Variants in MFAP5 observed in about 807,000 individuals in gnomAD.
MFAP5 encodes the protein microfibrillar-associated protein 5.
MFAP5 carries 19 observed loss-of-function variants against 30.1 expected under a neutral mutation model. The ratio of observed to expected loss-of-function variants is 0.63; its 90% CI spans 0.44 to 0.93. MFAP5 has a LOEUF of 0.93. MFAP5 is among the 40% of genes least tolerant of loss of function. The probability of loss-of-function intolerance (pLI) is 0.00; values close to 1 mark genes in which losing one functional copy is unlikely to be tolerated. For missense variants in MFAP5, 210 were observed against 221.3 expected (o/e 0.95, Z 0.32); for synonymous variants, 92 against 72.9 (o/e 1.26, Z -1.33).
At chr12:8,653,544 C>T (rs1029073980) in intron 6 of MFAP5, among the ~76,000 whole-genome samples, 2 of 152,128 alleles carry the variant, frequency 1.3e-5, no homozygotes, top group African/African-American at 4.8e-5. Context: ...TACCTAAAAG[C>T]TCTTCCCTCT....
chr12:8,647,884 A>G lies in MFAP5; in HGVS notation c.*207T>C. On this transcript the variant is annotated 3_prime_UTR_variant, in exon 10 of 10. Coordinates refer to ENST00000359478, the MANE Select transcript of MFAP5 (RefSeq NM_003480.4). ...TGAGAAGCAGCAAAATTATGCAATA[A>G]TATAGACTTTGTATTTTAAGTGCTA... 2 of 431,686 alleles carry G rather than the reference A, an allele frequency of 4.6e-6. No individual in the cohort carries two copies. The highest frequency in any genetic ancestry group is 4.2e-6 in the Non-Finnish European group (1 of 236,156). 26.7% of individuals were successfully genotyped at this position (431,686 alleles called of 1,614,324 possible).
At chr12:8,653,863 G>A (rs911875493) in intron 6 of MFAP5, among the ~76,000 whole-genome samples, 60 of 152,056 alleles carry the variant, frequency 3.9e-4, no homozygotes, top group African/African-American at 1.3e-3. Context: ...TAATCTAGCC[G>A]CCTATAATCC....
chr12:8,649,556 G>T lies in MFAP5; in HGVS notation c.354C>A (p.Ile118=), dbSNP rs781404692. The change falls in exon 9 of 10, where the codon ATC becomes ATA. Residue 118 remains isoleucine (I), a synonymous_variant. Coordinates refer to ENST00000359478, the MANE Select transcript of MFAP5 (RefSeq NM_003480.4). ...LCFTSLRRMY[I]VNKEICSRLV... ...GACGAGAGCAGATCTCCTTGTTGAC[G>T]ATGTACATACGTCGTAAACTGCAGA... 1.4e-5 allele frequency: 23 copies of T among 1,613,852 alleles called. No homozygotes were observed. The highest frequency in any genetic ancestry group is 1.7e-5 in the Non-Finnish European group (20 of 1,179,996).
In MFAP5 at chr12:8,648,105, GTC is replaced by G; in HGVS notation, c.506_507del (p.Arg169ThrfsTer30). 6.2e-7 allele frequency: 1 copy of G among 1,612,964 alleles called. No individual in the cohort carries two copies. The highest frequency in any genetic ancestry group is 8.5e-7 in the Non-Finnish European group (1 of 1,179,038). On this transcript the variant is annotated frameshift_variant, in exon 10 of 10. Transcript: ENST00000359478. LOFTEE classifies it high-confidence loss of function. Reference protein sequence around the residue: ...LPPCENVDLQRPNGL With the variant: ...LPPCENVDLQXPNGL Reference sequence around the variant, plus strand: ...TTTTTCAATGATCACAGACCATTGGGTCTCTGCAAATCCACATTTTCACAGGG... The same window carrying G: ...TTTTTCAATGATCACAGACCATTGGGTCTGCAAATCCACATTTTCACAGGG...
rs1318757302 is a variant in MFAP5 at position 8,661,011 on chromosome 12, A to G, written c.59-113T>C. The G allele has an allele frequency of 1.4e-5, 12 of 867,120 alleles. No individual in the cohort carries two copies. In the Admixed American group the frequency reaches 2.5e-4, roughly 18 times the overall value. 53.7% of individuals were successfully genotyped at this position (867,120 alleles called of 1,614,324 possible). ...GAAATGGTTATACTTTATCTTTGTGACTTATTCCTATATAGCTCAATATAA... is the reference window on the plus strand; with the variant it reads ...GAAATGGTTATACTTTATCTTTGTGGCTTATTCCTATATAGCTCAATATAA... On this transcript the variant is annotated intron_variant, in intron 2 of 9. Transcript: ENST00000359478.
At chr12:8,656,250 CG>C (rs1447498902) in intron 3 of MFAP5, among the ~76,000 whole-genome samples, 6 of 151,050 alleles carry the variant, frequency 4.0e-5, no homozygotes, top group Non-Finnish European at 8.9e-5. Flanking sequence ...TTAGTAGAGA[CG>C]GGGTTTCACC....
chr12:8,658,730 A>C (rs924745411), intron 3 of MFAP5, among the ~76,000 whole-genome samples: 1 of 151,970 alleles, frequency 6.6e-6, no homozygotes, highest in African/African-American at 2.4e-5. Context: ...GCTTTTCTGC[A>C]TATACCTCAG....
In MFAP5 at chr12:8,650,504, G is replaced by C; in HGVS notation, c.333C>G (p.Thr111=). 1.9e-6 allele frequency: 3 copies of C among 1,613,732 alleles called. No individual in the cohort carries two copies. Among genetic ancestry groups the C allele is most frequent in the Non-Finnish European group, 1.7e-6 (2 of 1,179,680 alleles). ...TTGGGCATTCTGGGATCCCTTACCTGGTGAAGCATAACTGATGAATGCATT... is the reference window on the plus strand; with the variant it reads ...TTGGGCATTCTGGGATCCCTTACCTCGTGAAGCATAACTGATGAATGCATT... ...VKQCIHQLCF[T]SLRRMYIVNK... is the part of the protein sequence containing the mutation. Residue 111 remains threonine, a splice_region_variant and synonymous_variant, in exon 8 of 10, where the codon ACC becomes ACG. Transcript: ENST00000359478.
intron 3 of MFAP5, among the ~76,000 whole-genome samples, chr12:8,660,573 T>G (rs1942119604): frequency 6.6e-6 from 1 of 152,054 alleles, no homozygotes; most frequent in African/African-American, 2.4e-5. Context: ...AGGAGATGTG[T>G]AAAGAAAAAT....
At chr12:8,655,351 G>A (rs193210483) in intron 5 of MFAP5, 64 bp downstream of exon 5, 51 of 1,331,016 alleles carry the variant, frequency 3.8e-5, no homozygotes, top group Admixed American at 1.1e-4. Flanking sequence ...TCAAGAGCTG[G>A]AATAAATATT....
intron 3 of MFAP5, among the ~76,000 whole-genome samples, chr12:8,657,189 T>G (rs1018511346): frequency 1.9e-4 from 29 of 152,184 alleles, no homozygotes; most frequent in Non-Finnish European, 3.4e-4. Context: ...ATGTTAATGC[T>G]GTTTTGTTAT....
intron 6 of MFAP5, among the ~76,000 whole-genome samples, chr12:8,652,810 A>G (rs759381136): frequency 6.6e-6 from 1 of 152,294 alleles, no homozygotes; most frequent in East Asian, 1.9e-4. Flanking sequence ...TGTATATCCA[A>G]CAGACTTAAT....
intron 2 of MFAP5, 42 bp downstream of exon 2, chr12:8,662,005 T>C (rs758826282): frequency 1.3e-6 from 2 of 1,577,530 alleles, no homozygotes; most frequent in Non-Finnish European, 1.7e-6. Context: ...CGTGTATAGC[T>C]GAGGAGCTGA....
At chr12:8,659,949 C>G (rs1436982900) in intron 3 of MFAP5, among the ~76,000 whole-genome samples, 2 of 152,126 alleles carry the variant, frequency 1.3e-5, no homozygotes, top group African/African-American at 2.4e-5. Flanking sequence ...TCTAACTCTC[C>G]TGGGATGGGA....
At chr12:8,662,330 T>G (rs970859410) in intron 1 of MFAP5, 1 of 538,032 alleles carries the variant, frequency 1.9e-6, no homozygotes, top group African/African-American at 1.9e-5. Flanking sequence ...CTTGCTTTTA[T>G]TATTCTCTGC....
intron 3 of MFAP5, among the ~76,000 whole-genome samples, chr12:8,656,328 G>A (rs1012095741): frequency 1.3e-5 from 2 of 151,698 alleles, no homozygotes; most frequent in Admixed American, 6.6e-5. Context: ...GATTACAGGC[G>A]TGAGCCACCG....
chr12:8,648,326 GT>G, intron 9 of MFAP5, 123 bp from the exon 10 acceptor site: 1 of 948,720 alleles, frequency 1.1e-6, no homozygotes, highest in African/African-American at 1.7e-5. Flanking sequence ...AAAGATCCGG[GT>G]TTTAACCAGC....
intron 3 of MFAP5, among the ~76,000 whole-genome samples, chr12:8,659,018 A>G (rs1166344259): frequency 4.2e-5 from 6 of 143,654 alleles, no homozygotes; most frequent in African/African-American, 1.6e-4. Flanking sequence ...TTTAAGAGAT[A>G]GGGTCTCAGG....
Position 8,649,412 on chromosome 12 carries a change from G to A in MFAP5, c.409+89C>T, listed in dbSNP as rs2289382. ...GGGGGTAGCCTGAAGCCCTCCTCTA[G>A]TACCAGACTTTGGATATAGTAATAT... On this transcript the variant is annotated intron_variant, in intron 9 of 9. Transcript: ENST00000359478. The A allele has an allele frequency of 0.062, 75,262 of 1,215,884 alleles. 2,499 individuals carry two copies. Among genetic ancestry groups the A allele is most frequent in the Middle Eastern group, 0.088 (471 of 5,330 alleles). The allele number at this position is 1,215,884 out of a possible 1,614,324, so 75.3% of individuals were successfully genotyped here. A position where few individuals can be genotyped will look rare whatever the true frequency, so the allele number is the denominator to read the frequency against.
Sources: allele counts gnomAD v4.1 joint callset (sites outside exome capture counted in the v4.1 genomes callset), GRCh38; gene constraint gnomAD v4.1.1; transcripts MANE v1.5; gene names NCBI Gene and HGNC (gene_info 2026-07-23, HGNC 2026-07-21).